DACH1: variants seen among roughly 807,000 people sequenced by gnomAD.
DACH1 encodes dachshund family transcription factor 1.
A neutral mutation model predicts 54.2 loss-of-function variants in DACH1; 12 were observed. The observed-to-expected ratio is 0.22, with a 90% confidence interval of 0.14 to 0.36. The LOEUF is 0.36. Among genes scored for constraint, DACH1 ranks in the 10% least tolerant of loss-of-function variants. The pLI is 1.00. For missense variants in DACH1, 805 were observed against 929.8 expected, an observed-to-expected ratio of 0.87 and a Z score of 1.75; for synonymous variants, 386 against 366.2, an observed-to-expected ratio of 1.05 and a Z score of -0.62.
chr13:71,438,273 T>C lies in DACH1; in HGVS notation c.*2382A>G, dbSNP rs1873690551. On this transcript the variant is annotated 3_prime_UTR_variant, in exon 11 of 11. Transcript: ENST00000613252. ...GGCTTGCATAGAGCGCAAATGTGGT[T>C]ATAATATAGAACAACTAGACATTAA... 1 of 152,388 alleles carries C rather than the reference T, an allele frequency of 6.6e-6. No homozygotes were observed. The highest frequency in any genetic ancestry group is 1.5e-5 in the Non-Finnish European group (1 of 67,866). The allele number at this position is 152,388 out of a possible 1,614,324, so 9.4% of individuals were successfully genotyped here.
rs142188759 is a variant in DACH1 at position 71,779,513 on chromosome 13, C to T, written c.848+86409G>A. Among the ~76,000 whole-genome samples the T allele has an allele frequency of 9.1e-3, 1,386 of 151,716 alleles. 34 individuals are homozygous for T. The highest frequency in any genetic ancestry group is 0.071 in the East Asian group (364 of 5,118). Reference sequence around the variant, plus strand: ...GTAAGACACATTAATTTCTCTGGACCTCCAACTTTTTGCTTGTAAAAAGTA... The same window carrying T: ...GTAAGACACATTAATTTCTCTGGACTTCCAACTTTTTGCTTGTAAAAAGTA... On this transcript the variant is annotated intron_variant, in intron 1 of 10. Transcript: ENST00000613252.
rs189658282 is a variant in DACH1, at chr13:71,646,710, T to C, written c.965-15993A>G. Among the ~76,000 whole-genome samples the C allele has an allele frequency of 3.5e-4, 54 of 152,318 alleles. 1 individual carries two copies. Among genetic ancestry groups the C allele is most frequent in the Non-Finnish European group, 1.5e-5 (1 of 68,028 alleles). The stretch of plus-strand genomic sequence containing the variant: ...CCATTTAGTGGAAAATAGAAAATCC[T>C]CCGTACTTATTTTGTTTTATTCAAG... On this transcript the variant is annotated intron_variant, in intron 2 of 10. Coordinates refer to ENST00000613252, the MANE Select transcript of DACH1 (RefSeq NM_080759.6).
chr13:71,729,854 G>C (rs1395388708), intron 1 of DACH1, among the ~76,000 whole-genome samples: 1 of 152,000 alleles, frequency 6.6e-6, no homozygotes, highest in Non-Finnish European at 1.5e-5. Context: ...GGGCACCTGG[G>C]TAACAGAAAT....
At chr13:71,482,482 C>T (rs1315922870) in intron 7 of DACH1, among the ~76,000 whole-genome samples, 1 of 152,064 alleles carries the variant, frequency 6.6e-6, no homozygotes, top group Non-Finnish European at 1.5e-5. Context: ...AATTTGTTCT[C>T]AATAATGTGT....
chr13:71,771,812 A>G (rs1885868146), intron 1 of DACH1, among the ~76,000 whole-genome samples: 1 of 151,328 alleles, frequency 6.6e-6, no homozygotes, highest in African/African-American at 2.4e-5. Context: ...TCTCACTAAG[A>G]AAAGGTAAAT....
chr13:71,559,416 AAG>A (rs1168753643), intron 5 of DACH1, among the ~76,000 whole-genome samples: 1 of 152,166 alleles, frequency 6.6e-6, no homozygotes, highest in Non-Finnish European at 1.5e-5. Flanking sequence ...CCATTAACAC[AAG>A]GATAAAATTT....
chr13:71,727,259 G>A (rs1026355820), intron 1 of DACH1, among the ~76,000 whole-genome samples: 9 of 152,022 alleles, frequency 5.9e-5, no homozygotes, highest in Non-Finnish European at 1.5e-5. Context: ...AAGTATGAAA[G>A]GAGCACATTT....
intron 1 of DACH1, among the ~76,000 whole-genome samples, chr13:71,748,908 CTT>C (rs769101284): frequency 6.2e-3 from 192 of 30,860 alleles, no homozygotes; most frequent in Middle Eastern, 0.017. Context: ...CTCTTTCTTT[CTT>C]TCTTTCTTTC....
At chr13:71,594,586 T>C (rs1333338197) in intron 3 of DACH1, among the ~76,000 whole-genome samples, 4 of 152,256 alleles carry the variant, frequency 2.6e-5, no homozygotes, top group African/African-American at 9.6e-5. Flanking sequence ...TGAGCTGAAG[T>C]GATGTGTAGC....
rs76252382 is a variant in DACH1 at position 71,501,196 on chromosome 13, C to T, written c.1571-12048G>A. 4.7e-4 allele frequency among the ~76,000 whole-genome samples: 71 copies of T among 152,230 alleles called. No individual in the cohort carries two copies. The East Asian group carries it at 0.01, about 22-fold the overall frequency. Reference sequence around the variant, plus strand: ...TAAACTATAACTCGATCTCTTCGGGCGCACTTTCCCAGGACCTCCTGAGAC... The same window carrying T: ...TAAACTATAACTCGATCTCTTCGGGTGCACTTTCCCAGGACCTCCTGAGAC... On this transcript the variant is annotated intron_variant, in intron 6 of 10. Transcript: ENST00000613252.
At chr13:71,556,882 T>C in intron 6 of DACH1, 142 bp downstream of exon 6, 1 of 850,486 alleles carries the variant, frequency 1.2e-6, no homozygotes, top group Non-Finnish European at 1.7e-6. Context: ...TAGGTTTAAT[T>C]TGTACTTAAT....
At chr13:71,642,980 G>A (rs562826307) in intron 2 of DACH1, among the ~76,000 whole-genome samples, 5 of 151,750 alleles carry the variant, frequency 3.3e-5, no homozygotes, top group Non-Finnish European at 5.9e-5. Context: ...AGCAGAGATC[G>A]CGCCACTGCA....
intron 3 of DACH1, among the ~76,000 whole-genome samples, chr13:71,620,238 T>C (rs1193721004): frequency 1.3e-5 from 2 of 151,968 alleles, no homozygotes; most frequent in African/African-American, 2.4e-5. Flanking sequence ...AAAAGCAAGA[T>C]AATCTAGAAG....
intron 2 of DACH1, among the ~76,000 whole-genome samples, chr13:71,661,591 T>A (rs1879493859): frequency 6.6e-6 from 1 of 152,052 alleles, no homozygotes; most frequent in African/African-American, 2.4e-5. Context: ...GAGGATACAT[T>A]TCCTAGATTA....
At chr13:71,696,885 C>G (rs1455146333) in intron 1 of DACH1, among the ~76,000 whole-genome samples, 7 of 152,132 alleles carry the variant, frequency 4.6e-5, no homozygotes, top group African/African-American at 1.7e-4. Context: ...TTCCACGACT[C>G]TGAATATATT....
intron 6 of DACH1, 23 bp from the exon 7 acceptor site, chr13:71,489,171 T>G: frequency 1.2e-6 from 2 of 1,605,950 alleles, no homozygotes; most frequent in Non-Finnish European, 1.7e-6. Context: ...GAAACAAAAA[T>G]ATAGAACAAG....
At chr13:71,550,157 T>C (rs983592059) in intron 6 of DACH1, among the ~76,000 whole-genome samples, 1 of 152,142 alleles carries the variant, frequency 6.6e-6, no homozygotes, top group Non-Finnish European at 1.5e-5. Context: ...AATTCAGAGG[T>C]TTAAAGCATG....
At chr13:71,541,471 T>C (rs1446064231) in intron 6 of DACH1, among the ~76,000 whole-genome samples, 2 of 152,118 alleles carry the variant, frequency 1.3e-5, no homozygotes, top group Non-Finnish European at 2.9e-5. Context: ...GTATCAATTA[T>C]AAAAACATCA....
At chr13:71,451,337 A>G (rs1185887317) in intron 10 of DACH1, among the ~76,000 whole-genome samples, 2 of 152,192 alleles carry the variant, frequency 1.3e-5, no homozygotes, top group Non-Finnish European at 2.9e-5. Flanking sequence ...AAATTTCTGA[A>G]AGACTGGCTA....
Sources: allele counts gnomAD v4.1 joint callset (sites outside exome capture counted in the v4.1 genomes callset), GRCh38; gene constraint gnomAD v4.1.1; transcripts MANE v1.5; gene names NCBI Gene and HGNC (gene_info 2026-07-23, HGNC 2026-07-21).